DEAF1: variants seen among roughly 807,000 people sequenced by gnomAD.
DEAF1 encodes the protein DEAF1 transcription factor.
In DEAF1, 53 loss-of-function variants were observed where a neutral mutation model predicts 58.9. The observed-to-expected ratio is 0.90, with a 90% CI of 0.72 to 1.13. The LOEUF (loss-of-function observed/expected upper bound fraction) is 1.13. Among genes scored for constraint, DEAF1 ranks in the 50% most tolerant of loss-of-function variants. The pLI is 0.00. For synonymous variants in DEAF1, 385 were observed against 340.4 expected (o/e 1.13, Z -1.44); for missense variants, 685 against 791.4 (o/e 0.87, Z 1.61).
chr11:705,137 C>A, intron 1 of DEAF1: 1 of 193,340 alleles, frequency 5.2e-6, no homozygotes, highest in Non-Finnish European at 1.1e-5. Flanking sequence ...CCAGGAAGTG[C>A]TCCGGCCAGC....
intron 7 of DEAF1, 46 bp from the exon 8 acceptor site, chr11:679,862 A>G: frequency 6.2e-7 from 1 of 1,608,484 alleles, no homozygotes; most frequent in Non-Finnish European, 8.5e-7. Flanking sequence ...AGTGGCGCCC[A>G]CGGCACACAG....
rs12799262 is a variant in DEAF1, at chr11:694,832, C to T, written c.216G>A (p.Glu72=). ...RVTAVAVMAA[E]PGHMDMGAEA... ...CGGCGCCCATGTCCATGTGCCCGGG[C>T]TCCGCCGCCATCACCGCCACTGCCG... The change falls in exon 1 of 12, where the codon GAG becomes GAA. Residue 72 remains glutamate, a synonymous_variant. Coordinates refer to ENST00000382409, the MANE Select transcript of DEAF1 (RefSeq NM_021008.4). 8.9e-6 allele frequency: 13 copies of T among 1,462,260 alleles called. No homozygotes were observed. Among genetic ancestry groups the T allele is most frequent in the Non-Finnish European group, 1.2e-5 (13 of 1,110,814 alleles). 90.6% of individuals were successfully genotyped at this position (1,462,260 alleles called of 1,614,324 possible).
chr11:696,226 G>A (rs1861149726), upstream of DEAF1, among the ~76,000 whole-genome samples: 1 of 152,110 alleles, frequency 6.6e-6, no homozygotes, highest in South Asian at 2.1e-4. Flanking sequence ...CGGTGCCTCA[G>A]CCGTCCTGCC....
At chr11:703,630 T>C (rs1247026938) in intron 1 of DEAF1, 1 of 1,232,738 alleles carries the variant, frequency 8.1e-7, no homozygotes, top group African/African-American at 1.6e-5. Context: ...CAAGTCGGGC[T>C]GGAGACGCAG....
At chr11:654,302 G>A (rs1858943126) in intron 10 of DEAF1, among the ~76,000 whole-genome samples, 1 of 150,904 alleles carries the variant, frequency 6.6e-6, no homozygotes, top group African/African-American at 2.5e-5. Context: ...CTGAGTCTGG[G>A]ATGATAGGTG....
At chr11:703,475 C>CT in intron 1 of DEAF1, 1 of 1,257,430 alleles carries the variant, frequency 8.0e-7, no homozygotes, top group South Asian at 3.4e-5. Flanking sequence ...CCCCCATGGG[C>CT]CCCCAGGGCC....
intron 11 of DEAF1, among the ~76,000 whole-genome samples, chr11:650,373 CAAAAAAA>C (rs796351710): frequency 2.7e-4 from 6 of 22,244 alleles, no homozygotes; most frequent in Admixed American, 5.3e-4. Context: ...CAGTCCGTCT[CAAAAAAA>C]AAAAAAAAAA....
chr11:644,574 G>T lies in DEAF1; in HGVS notation c.1674C>A (p.Ser558Arg). 6.2e-7 allele frequency: 1 copy of T among 1,612,882 alleles called. No homozygotes were observed. Among genetic ancestry groups the T allele is most frequent in the East Asian group, 2.2e-5 (1 of 44,858 alleles). ...CTCACACGGTCACCTTCTCCATCAC[G>T]CTTTCAGCCACGTGGACTTCGTCTG... ...VQADEVHVAE[S>R]VMEKVTV Residue 558 changes from serine (S) to arginine (R), a missense_variant, in exon 12 of 12, where the codon AGC becomes AGA. Physicochemically the swap from Ser to Arg is moderately radical, Grantham distance 110. Transcript: ENST00000382409. The surrounding 1 kb of genome is among the most constrained non-coding windows in gnomAD (Gnocchi z 4.3).
intron 1 of DEAF1, among the ~76,000 whole-genome samples, chr11:692,581 GGTGGCTCACGCCTGTAATCCCAGCACT>G (rs1278076473): frequency 2.6e-5 from 4 of 152,168 alleles, no homozygotes; most frequent in African/African-American, 7.2e-5. Context: ...AGCCGGGCGC[GGTGGCTCACGCCTGTAATCCCAGCACT>G]GTGGGATGCC....
intron 10 of DEAF1, among the ~76,000 whole-genome samples, chr11:672,822 T>C (rs1370364755): frequency 1.3e-5 from 2 of 152,082 alleles, no homozygotes; most frequent in Non-Finnish European, 2.9e-5. Context: ...CACTCCAGCC[T>C]GAGCGACACA....
Position 688,292 on chromosome 11 carries a change from G to A in DEAF1, c.517+39C>T, listed in dbSNP as rs559245340. 3.2e-5 allele frequency: 52 copies of A among 1,605,418 alleles called. No homozygotes were observed. In the South Asian group the frequency reaches 4.1e-4, roughly 13 times the overall value. On this transcript the variant is annotated intron_variant, in intron 3 of 11. Transcript: ENST00000382409. This position sits in a 1 kb window ranked among gnomAD's most constrained non-coding sequence, Gnocchi z 4.3. Reference sequence around the variant, plus strand: ...AAATAAATTCTAGCTATTCTGAAACGTGTTTTGCCCGAGGCCTGGGGTGCA... The same window carrying A: ...AAATAAATTCTAGCTATTCTGAAACATGTTTTGCCCGAGGCCTGGGGTGCA...
At chr11:666,301 TCTCTACCATATAAA>T (rs747992061) in intron 10 of DEAF1, 11 of 152,016 alleles carry the variant, frequency 7.2e-5, no homozygotes, top group African/African-American at 1.7e-4. Flanking sequence ...AAATTCAGAG[TCTCTACCATATAAA>T]CTCTACCATA....
chr11:685,832 ATGGT>A (rs1191514669), intron 5 of DEAF1, among the ~76,000 whole-genome samples: 3 of 151,438 alleles, frequency 2.0e-5, no homozygotes, highest in African/African-American at 7.3e-5. Flanking sequence ...CCTGACCAAC[ATGGT>A]TGGTCTCCAT....
intron 1 of DEAF1, chr11:703,129 C>T (rs1373962249): frequency 1.2e-6 from 2 of 1,608,662 alleles, no homozygotes; most frequent in African/African-American, 2.7e-5. Context: ...AGGTGGTTGC[C>T]ATCGCGGCCT....
At chr11:654,880 G>A (rs753288814) in intron 10 of DEAF1, among the ~76,000 whole-genome samples, 1 of 150,344 alleles carries the variant, frequency 6.7e-6, no homozygotes, top group Non-Finnish European at 1.5e-5. Flanking sequence ...AAAAAAAAAG[G>A]GAAATCAGGG....
intron 10 of DEAF1, 26 bp downstream of exon 10, chr11:674,510 T>C: frequency 1.9e-6 from 3 of 1,613,492 alleles, no homozygotes; most frequent in Non-Finnish European, 2.5e-6. Flanking sequence ...GCACAGGTCG[T>C]GTCTTCCCAT....
chr11:682,140 A>G (rs374803820), intron 6 of DEAF1, among the ~76,000 whole-genome samples: 10 of 152,170 alleles, frequency 6.6e-5, no homozygotes, highest in Admixed American at 1.3e-4. Flanking sequence ...GTGGGGTGCA[A>G]TCACCTTTGG....
intron 10 of DEAF1, among the ~76,000 whole-genome samples, chr11:673,664 A>G (rs905226898): frequency 7.9e-5 from 12 of 152,318 alleles, no homozygotes; most frequent in Non-Finnish European, 1.3e-4. Flanking sequence ...AAGCAGCTAC[A>G]ACAAAATCCA....
rs1242347391 is a variant in DEAF1, at chr11:704,465, G to A, written c.-438+2107C>T. 1.3e-5 allele frequency: 17 copies of A among 1,289,362 alleles called. No individual in the cohort carries two copies. The Admixed American group carries it at 1.8e-4, about 14-fold the overall frequency. The allele number at this position is 1,289,362 out of a possible 1,614,324, so 79.9% of individuals were successfully genotyped here. On this transcript the variant is annotated intron_variant, in intron 1 of 11. Transcript: ENST00000683307. ...AGTGGCCACGGTGAGCTGCAGGACAGCCCTGAGGACCCACTTCACACACCA... is the reference window on the plus strand; with the variant it reads ...AGTGGCCACGGTGAGCTGCAGGACAACCCTGAGGACCCACTTCACACACCA...
Sources: gnomAD v4.1 joint callset for allele counts (sites outside exome capture counted in the v4.1 genomes callset) on GRCh38, gnomAD v4.1.1 for gene constraint, Gnocchi (gnomAD v3.1) non-coding constraint, MANE v1.5 for transcripts, NCBI Gene and HGNC (gene_info 2026-07-23, HGNC 2026-07-21) for gene names.